Variants in KIAA0825 observed in about 807,000 individuals in gnomAD.
KIAA0825 encodes the protein KIAA0825.
In KIAA0825, 119 loss-of-function variants were observed where a neutral mutation model predicts 147.6. The observed-to-expected ratio is 0.81, with a 90% CI of 0.69 to 0.94. The LOEUF (loss-of-function observed/expected upper bound fraction) is 0.94. Ranked by LOEUF, KIAA0825 falls within the 40% of genes least tolerant of loss-of-function variation. The probability of loss-of-function intolerance (pLI) is 0.00; values close to 1 mark genes in which losing one functional copy is unlikely to be tolerated. For synonymous variants in KIAA0825, 470 were observed against 518.1 expected, an observed-to-expected ratio of 0.91 and a Z score of 1.26; for missense variants, 1,381 against 1,472.7, an observed-to-expected ratio of 0.94 and a Z score of 1.02.
intron 6 of KIAA0825, among the ~76,000 whole-genome samples, chr5:94,477,927 T>C (rs953388421): frequency 2.0e-5 from 3 of 152,218 alleles, no homozygotes; most frequent in Admixed American, 6.5e-5. Flanking sequence ...TGATTCAGTA[T>C]GAATAATTTA....
At chr5:94,592,811 T>G (rs569845076) in intron 1 of KIAA0825, 4 of 457,680 alleles carry the variant, frequency 8.7e-6, no homozygotes, top group African/African-American at 4.0e-5. Flanking sequence ...GTTACAAATA[T>G]GCTTCGGCTA....
At chr5:94,489,107 T>C (rs1232654252) in intron 5 of KIAA0825, among the ~76,000 whole-genome samples, 3 of 152,204 alleles carry the variant, frequency 2.0e-5, no homozygotes, top group Non-Finnish European at 4.4e-5. Flanking sequence ...ACCAGTACCC[T>C]CTTCCACTTG....
intron 6 of KIAA0825, among the ~76,000 whole-genome samples, chr5:94,477,785 C>T (rs1240870657): frequency 1.3e-5 from 2 of 151,878 alleles, no homozygotes; most frequent in Non-Finnish European, 1.5e-5. Flanking sequence ...GAAATATTTC[C>T]ACAACTTTTG....
chr5:94,164,852 A>G (rs1767894225), intron 20 of KIAA0825, among the ~76,000 whole-genome samples: 1 of 152,240 alleles, frequency 6.6e-6, no homozygotes, highest in African/African-American at 2.4e-5. Flanking sequence ...ATATAAAAAA[A>G]TCAAATCAAA....
intron 20 of KIAA0825, among the ~76,000 whole-genome samples, chr5:94,272,968 A>G (rs1399237989): frequency 1.3e-5 from 2 of 152,194 alleles, no homozygotes; most frequent in Admixed American, 1.3e-4. Flanking sequence ...AGATACTCTG[A>G]AAGATGACAG....
At chr5:94,591,623 T>C (rs1234769891) in intron 1 of KIAA0825, among the ~76,000 whole-genome samples, 1 of 152,248 alleles carries the variant, frequency 6.6e-6, no homozygotes, top group African/African-American at 2.4e-5. Flanking sequence ...TAGATTTTCT[T>C]TTTTCTAATA....
intron 1 of KIAA0825, among the ~76,000 whole-genome samples, chr5:94,608,464 T>TG (rs1168359016): frequency 0.39 from 7,229 of 18,348 alleles, 1,897 homozygotes; most frequent in South Asian, 0.5. Flanking sequence ...TATATATATA[T>TG]TATATATATA....
intron 20 of KIAA0825, among the ~76,000 whole-genome samples, chr5:94,206,975 C>A (rs1772259710): frequency 6.6e-6 from 1 of 152,122 alleles, no homozygotes; most frequent in African/African-American, 2.4e-5. Flanking sequence ...AGGTGGAAAG[C>A]ATATTTCCAA....
chr5:94,312,256 C>G (rs938690300), intron 20 of KIAA0825, among the ~76,000 whole-genome samples: 15 of 151,464 alleles, frequency 9.9e-5, no homozygotes, highest in Admixed American at 2.0e-4. Flanking sequence ...ATGTTTGTTA[C>G]TAATAGCATA....
chr5:94,437,693 A>C (rs1004947378), intron 14 of KIAA0825, among the ~76,000 whole-genome samples: 1 of 152,192 alleles, frequency 6.6e-6, no homozygotes, highest in African/African-American at 2.4e-5. Flanking sequence ...CAATATAGTC[A>C]AAAGGTTTAT....
At chr5:94,305,912 T>C (rs1291192208) in intron 20 of KIAA0825, among the ~76,000 whole-genome samples, 2 of 151,914 alleles carry the variant, frequency 1.3e-5, no homozygotes, top group African/African-American at 4.8e-5. Flanking sequence ...TGTTAATAAG[T>C]GATAGCGAAC....
chr5:94,571,086 G>A (rs972837543), intron 2 of KIAA0825, among the ~76,000 whole-genome samples: 1 of 152,180 alleles, frequency 6.6e-6, no homozygotes, highest in African/African-American at 2.4e-5. Flanking sequence ...ATGAATTACT[G>A]TGTGCATTAC....
At chr5:94,391,922 A>G (rs561223193) in intron 17 of KIAA0825, among the ~76,000 whole-genome samples, 1 of 152,362 alleles carries the variant, frequency 6.6e-6, no homozygotes, top group Admixed American at 6.5e-5. Flanking sequence ...CTTCTAAAAC[A>G]TGTCTTTACT....
At chr5:94,336,851 T>C (rs1046560694) in intron 20 of KIAA0825, among the ~76,000 whole-genome samples, 17 of 152,160 alleles carry the variant, frequency 1.1e-4, no homozygotes, top group African/African-American at 4.1e-4. Context: ...TCTTCCACAA[T>C]GGCGGAACTA....
At chr5:94,474,220 G>A (rs1367683550) in intron 7 of KIAA0825, among the ~76,000 whole-genome samples, 5 of 152,270 alleles carry the variant, frequency 3.3e-5, no homozygotes, top group Non-Finnish European at 7.4e-5. Flanking sequence ...CTACAGTTGA[G>A]GGGCTGATGT....
intron 1 of KIAA0825, among the ~76,000 whole-genome samples, chr5:94,609,358 T>C (rs1044737213): frequency 6.6e-6 from 1 of 152,218 alleles, no homozygotes. Context: ...TTGAAAAATA[T>C]AGCTTTTTTT....
chr5:94,161,234 G>A (rs745960981), intron 20 of KIAA0825, among the ~76,000 whole-genome samples: 7 of 152,184 alleles, frequency 4.6e-5, no homozygotes, highest in Non-Finnish European at 8.8e-5. Flanking sequence ...GCCCTGCCTA[G>A]AGAGTTTAAA....
intron 12 of KIAA0825, among the ~76,000 whole-genome samples, chr5:94,458,169 G>A (rs1759360748): frequency 6.6e-6 from 1 of 152,082 alleles, no homozygotes; most frequent in African/African-American, 2.4e-5. Flanking sequence ...TCAAAAACCG[G>A]CATTATACCT....
intron 5 of KIAA0825, among the ~76,000 whole-genome samples, chr5:94,507,051 T>C (rs1765824394): frequency 6.6e-6 from 1 of 152,152 alleles, no homozygotes; most frequent in Non-Finnish European, 1.5e-5. Context: ...GTGTTATGTA[T>C]AGTCAAGAAA....
Sources: gnomAD v4.1 joint callset for allele counts (sites outside exome capture counted in the v4.1 genomes callset) on GRCh38, gnomAD v4.1.1 for gene constraint, MANE v1.5 for transcripts, NCBI Gene and HGNC (gene_info 2026-07-23, HGNC 2026-07-21) for gene names.